Variants in NXPE4 observed in about 807,000 individuals in gnomAD.
The protein encoded by NXPE4 is NXPE family member 4.
A neutral mutation model predicts 33.3 loss-of-function variants in NXPE4; 42 were observed. The observed-to-expected ratio is 1.26, with a 90% confidence interval of 0.98 to 1.63. The LOEUF is 1.63. NXPE4 is among the 40% of genes most tolerant of loss of function. The pLI, the probability that NXPE4 is intolerant of heterozygous loss-of-function variation, is 0.00. For missense variants in NXPE4, 709 were observed against 647.6 expected (o/e 1.09, Z -1.03); for synonymous variants, 253 against 234.9 (o/e 1.08, Z -0.71).
upstream of NXPE4, among the ~76,000 whole-genome samples, chr11:114,596,335 G>A (rs547421532): frequency 2.0e-5 from 3 of 152,316 alleles, 1 homozygote; most frequent in South Asian, 4.1e-4. Flanking sequence ...GAAAGAGCAG[G>A]CACCCAGACA....
upstream of NXPE4, among the ~76,000 whole-genome samples, chr11:114,597,232 A>G (rs1359681057): frequency 7.9e-5 from 12 of 152,204 alleles, no homozygotes; most frequent in Non-Finnish European, 2.9e-5. Context: ...ATAATAAAAA[A>G]TGTTTGATTA....
chr11:114,634,656 G>T, the NXPE4 span, among the ~76,000 whole-genome samples: 1 of 151,948 alleles, frequency 6.6e-6, no homozygotes, highest in African/African-American at 2.4e-5. Context: ...TGTAAGGAAG[G>T]GATCCAGTTT....
At chr11:114,675,135 TAGA>T in the NXPE4 span, among the ~76,000 whole-genome samples, 1 of 151,644 alleles carries the variant, frequency 6.6e-6, no homozygotes, top group Admixed American at 6.6e-5. Context: ...AAATTGAGTA[TAGA>T]AGGATTATTA....
chr11:114,583,551 G>C (rs1565334291), intron 2 of NXPE4: 1 of 600,416 alleles, frequency 1.7e-6, no homozygotes, highest in Non-Finnish European at 3.3e-6. Context: ...AGTGAGGACT[G>C]TCCAGCATTT....
chr11:114,616,162 GT>G, the NXPE4 span, among the ~76,000 whole-genome samples: 5 of 151,694 alleles, frequency 3.3e-5, no homozygotes, highest in African/African-American at 1.2e-4. Context: ...GGTAACCATG[GT>G]TACCCTGTGT....
At chr11:114,608,551 G>A in the NXPE4 span, among the ~76,000 whole-genome samples, 116 of 150,642 alleles carry the variant, frequency 7.7e-4, 1 homozygote, top group Non-Finnish European at 1.4e-3. Flanking sequence ...GATAATAATT[G>A]TTGCATCGTG....
In NXPE4 at chr11:114,582,718, C is replaced by T. The variant is rs1949180967; in HGVS notation, c.400G>A (p.Gly134Ser). Residue 134 changes from glycine to serine, a missense_variant, in exon 3 of 6, where the codon GGC (glycine) becomes AGC (serine). Gly to Ser is a moderately conservative substitution (Grantham distance 56). Coordinates refer to ENST00000375478, the MANE Select transcript of NXPE4 (RefSeq NM_001077639.2). ...ATCCTGGCCCTCAGGAAATCCCCGC[C>T]ATATTGCTTCCTGCGTCCCAAGTGG... ...RDHLGRRKQY[G>S]GDFLRARMSS... The T allele has an allele frequency of 6.2e-7, 1 of 1,614,164 alleles. No individual in the cohort carries two copies. Among genetic ancestry groups the T allele is most frequent in the Non-Finnish European group, 8.5e-7 (1 of 1,180,018 alleles).
At chr11:114,595,230 A>G (rs1422938320) in intron 1 of NXPE4, among the ~76,000 whole-genome samples, 1 of 152,162 alleles carries the variant, frequency 6.6e-6, no homozygotes, top group Non-Finnish European at 1.5e-5. Context: ...ATCTATTAAT[A>G]TGTCCTCCTT....
the NXPE4 span, among the ~76,000 whole-genome samples, chr11:114,675,234 T>G: frequency 2.0e-5 from 3 of 151,866 alleles, no homozygotes; most frequent in Non-Finnish European, 4.4e-5. Flanking sequence ...CTAAAGGCTT[T>G]TCCTTTAAGA....
the NXPE4 span, among the ~76,000 whole-genome samples, chr11:114,645,953 A>C: frequency 1.3e-5 from 2 of 152,224 alleles, no homozygotes; most frequent in East Asian, 3.9e-4. Context: ...ACATCTAGTA[A>C]AATTAAATAT....
At chr11:114,573,353 A>G (rs1340021004) in intron 5 of NXPE4, among the ~76,000 whole-genome samples, 2 of 152,160 alleles carry the variant, frequency 1.3e-5, no homozygotes, top group Admixed American at 6.6e-5. Flanking sequence ...ATAGTATCTT[A>G]TATCTCAATG....
chr11:114,615,248 A>G, the NXPE4 span, among the ~76,000 whole-genome samples: 35 of 151,652 alleles, frequency 2.3e-4, no homozygotes, highest in African/African-American at 8.2e-4. Context: ...ACTGTTACCC[A>G]GTGGATTATA....
In NXPE4 at chr11:114,578,431, T is replaced by A. The variant is rs756512325; in HGVS notation, c.1099+1701A>T. ...ACCCAAGAGAATCACTGTTACAGAA[T>A]GTGATGCTAAAGGCTGTTACTAGAC... On this transcript the variant is annotated intron_variant, in intron 5 of 5. Transcript: ENST00000375478. Among the ~76,000 whole-genome samples the A allele has an allele frequency of 3.5e-4, 53 of 152,294 alleles. No homozygotes were observed. The Middle Eastern group carries it at 0.01, about 29-fold the overall frequency.
At chr11:114,631,919 T>C in the NXPE4 span, among the ~76,000 whole-genome samples, 2 of 151,378 alleles carry the variant, frequency 1.3e-5, no homozygotes, top group Admixed American at 6.6e-5. Flanking sequence ...TCACTACTGT[T>C]ACCCGGTGGA....
intron 2 of NXPE4, among the ~76,000 whole-genome samples, chr11:114,592,551 T>C (rs370650042): frequency 1.9e-4 from 29 of 151,624 alleles, no homozygotes; most frequent in African/African-American, 5.8e-4. Context: ...ACACACAAAA[T>C]AGATATTCCA....
the NXPE4 span, among the ~76,000 whole-genome samples, chr11:114,649,325 G>A: frequency 6.6e-6 from 1 of 152,124 alleles, no homozygotes; most frequent in Non-Finnish European, 1.5e-5. Flanking sequence ...AAAAATTAGA[G>A]AAAATCTAAT....
the NXPE4 span, among the ~76,000 whole-genome samples, chr11:114,666,170 T>G: frequency 6.6e-6 from 1 of 152,124 alleles, no homozygotes; most frequent in Non-Finnish European, 1.5e-5. Flanking sequence ...TCTCTAAGGC[T>G]CTCACATTTT....
the NXPE4 span, among the ~76,000 whole-genome samples, chr11:114,610,069 T>A: frequency 2.0e-5 from 3 of 151,778 alleles, no homozygotes; most frequent in Non-Finnish European, 4.4e-5. Flanking sequence ...TCTTGCCTCA[T>A]GGGTAACCAC....
the NXPE4 span, among the ~76,000 whole-genome samples, chr11:114,646,298 ATAT>A: frequency 9.9e-5 from 15 of 151,610 alleles, no homozygotes; most frequent in Non-Finnish European, 2.2e-4. Flanking sequence ...TTTTTCATAA[ATAT>A]TATGTATATT....
Sources: allele counts gnomAD v4.1 joint callset (sites outside exome capture counted in the v4.1 genomes callset), GRCh38; gene constraint gnomAD v4.1.1; transcripts MANE v1.5; gene names NCBI Gene and HGNC (gene_info 2026-07-23, HGNC 2026-07-21).